Variants in PCDH15 observed in about 807,000 individuals in gnomAD.
The protein encoded by PCDH15 is protocadherin related 15, also known as protocadherin-15.
Under a neutral mutation model 178.5 loss-of-function variants are expected in PCDH15, and 129 were observed. The observed-to-expected ratio is 0.72, with a 90% confidence interval of 0.63 to 0.84. The LOEUF (loss-of-function observed/expected upper bound fraction) is 0.84. Ranked by LOEUF, PCDH15 falls within the 40% of genes least tolerant of loss-of-function variation. The probability of loss-of-function intolerance (pLI) is 0.00; values close to 1 mark genes in which losing one functional copy is unlikely to be tolerated. For missense variants in PCDH15, 2,230 were observed against 2,099.9 expected (o/e 1.06, Z -1.21); for synonymous variants, 800 against 732.0 (o/e 1.09, Z -1.50).
chr10:54,095,360 T>C (rs1565244753), intron 15 of PCDH15, among the ~76,000 whole-genome samples: 2 of 152,088 alleles, frequency 1.3e-5, no homozygotes, highest in South Asian at 2.1e-4. Flanking sequence ...ATAATGATAA[T>C]ATAAAATGTT....
intron 2 of PCDH15, among the ~76,000 whole-genome samples, chr10:55,467,887 A>C (rs1839866414): frequency 6.8e-6 from 1 of 147,448 alleles, no homozygotes; most frequent in African/African-American, 2.5e-5. Context: ...GAACTGCTTG[A>C]ACCTGGGAGG....
At chr10:54,459,738 A>T (rs2077055300) in intron 3 of PCDH15, among the ~76,000 whole-genome samples, 1 of 152,168 alleles carries the variant, frequency 6.6e-6, no homozygotes, top group South Asian at 2.1e-4. Context: ...ATTTACTAAA[A>T]AATCTATTCC....
intron 2 of PCDH15, among the ~76,000 whole-genome samples, chr10:55,624,140 A>G (rs1255431946): frequency 1.3e-5 from 2 of 152,008 alleles, no homozygotes; most frequent in Non-Finnish European, 2.9e-5. Context: ...ATCTCAATAT[A>G]TCAATCATAA....
intron 6 of PCDH15, among the ~76,000 whole-genome samples, chr10:54,343,645 G>A (rs569633538): frequency 5.4e-5 from 8 of 149,274 alleles, no homozygotes; most frequent in South Asian, 4.3e-4. Flanking sequence ...GTAGATTTGC[G>A]GGGGGAGGTG....
At chr10:54,990,805 T>C (rs1231729431) in intron 2 of PCDH15, among the ~76,000 whole-genome samples, 1 of 152,112 alleles carries the variant, frequency 6.6e-6, no homozygotes, top group Non-Finnish European at 1.5e-5. Context: ...GAATGACAAA[T>C]GAATATATTT....
At chr10:55,140,873 T>G (rs1024101696) in intron 2 of PCDH15, among the ~76,000 whole-genome samples, 14 of 152,018 alleles carry the variant, frequency 9.2e-5, no homozygotes, top group African/African-American at 3.4e-4. Context: ...TATTGACATG[T>G]GCATAGTTGT....
At chr10:53,817,070 G>T (rs560179779) in intron 34 of PCDH15, among the ~76,000 whole-genome samples, 1 of 152,248 alleles carries the variant, frequency 6.6e-6, no homozygotes, top group South Asian at 2.1e-4. Flanking sequence ...TGAGGTTCTG[G>T]GAGGTAATTC....
chr10:53,989,129 G>A (rs2091301933), intron 21 of PCDH15, among the ~76,000 whole-genome samples: 1 of 152,130 alleles, frequency 6.6e-6, no homozygotes. Context: ...TACTGGAATT[G>A]GCTAAGACTA....
chr10:55,522,977 G>C (rs900807496), intron 2 of PCDH15, among the ~76,000 whole-genome samples: 6 of 151,418 alleles, frequency 4.0e-5, no homozygotes, highest in South Asian at 2.1e-4. Context: ...GTATCTACTT[G>C]AGAATTTTTA....
chr10:54,917,588 G>T (rs1272014442), intron 2 of PCDH15, among the ~76,000 whole-genome samples: 10 of 152,254 alleles, frequency 6.6e-5, no homozygotes. Context: ...TACAACTCAA[G>T]TGAAACAGCT....
chr10:55,559,632 G>C (rs1477031441), intron 2 of PCDH15, among the ~76,000 whole-genome samples: 3 of 151,674 alleles, frequency 2.0e-5, no homozygotes, highest in Non-Finnish European at 4.4e-5. Context: ...TAAAAATTGT[G>C]TTCCATGTTA....
At chr10:54,585,616 T>C (rs570118344) in intron 2 of PCDH15, 1 of 35,328 alleles carries the variant, frequency 2.8e-5, no homozygotes, top group Non-Finnish European at 7.8e-5. Context: ...CAATATGTGT[T>C]TTTTTTTTTT....
intron 26 of PCDH15, among the ~76,000 whole-genome samples, chr10:53,879,754 A>G (rs1215487845): frequency 3.3e-5 from 5 of 152,176 alleles, no homozygotes; most frequent in South Asian, 2.1e-4. Context: ...ACAGGCGCGC[A>G]CCACCACGCC....
chr10:54,227,006 C>A (rs1422061180), intron 9 of PCDH15, among the ~76,000 whole-genome samples: 2 of 152,202 alleles, frequency 1.3e-5, no homozygotes, highest in Non-Finnish European at 2.9e-5. Flanking sequence ...CCCCTCCTGG[C>A]TGCTTTCATG....
chr10:54,698,326 G>A (rs893081404), intron 1 of PCDH15, among the ~76,000 whole-genome samples: 13 of 152,168 alleles, frequency 8.5e-5, no homozygotes, highest in African/African-American at 3.1e-4. Flanking sequence ...CAGTGACATG[G>A]GTTTGCTCAA....
chr10:53,929,652 CA>C (rs1292756524), intron 25 of PCDH15, among the ~76,000 whole-genome samples: 1 of 152,066 alleles, frequency 6.6e-6, no homozygotes, highest in African/African-American at 2.4e-5. Flanking sequence ...TTAGAAACCA[CA>C]AAAGTCAGAA....
intron 3 of PCDH15, among the ~76,000 whole-genome samples, chr10:54,402,204 A>G (rs1162469814): frequency 6.6e-6 from 1 of 151,900 alleles, no homozygotes; most frequent in African/African-American, 2.4e-5. Context: ...TATTAAGCAA[A>G]TTAGGAATAG....
intron 3 of PCDH15, among the ~76,000 whole-genome samples, chr10:54,876,775 T>C (rs1954152632): frequency 6.6e-6 from 1 of 152,184 alleles, no homozygotes; most frequent in African/African-American, 2.4e-5. Flanking sequence ...AGTAGTTTCC[T>C]GAGATGGAAA....
rs71004480 is a variant in PCDH15 at position 53,828,207 on chromosome 10, C to CAAAAAAAAAAAAA, written c.4211+345_4211+357dup. ...GCCAACAAGAGCAAAAAGTCCGTCTCAAAAAAAAAAAAAAAAAAAAAAAAA... is the reference window on the plus strand; with the variant it reads ...GCCAACAAGAGCAAAAAGTCCGTCTCAAAAAAAAAAAAAAAAAAAAAAAAAAAAAAAAAAAAAA... On this transcript the variant is annotated intron_variant, in intron 31 of 37. Coordinates refer to ENST00000644397, the MANE Select transcript of PCDH15 (RefSeq NM_001384140.1). Among the ~76,000 whole-genome samples the CAAAAAAAAAAAAA allele has an allele frequency of 4.8e-4, 26 of 53,774 alleles. 1 individual carries two copies. Among genetic ancestry groups the CAAAAAAAAAAAAA allele is most frequent in the African/African-American group, 1.9e-3 (26 of 13,894 alleles). 35.3% of individuals were successfully genotyped at this position (53,774 alleles called of 152,430 possible). A position where few individuals can be genotyped will look rare whatever the true frequency, so the allele number is the denominator to read the frequency against.
Sources: gnomAD v4.1 joint callset for allele counts (sites outside exome capture counted in the v4.1 genomes callset) on GRCh38, gnomAD v4.1.1 for gene constraint, MANE v1.5 for transcripts, NCBI Gene and HGNC (gene_info 2026-07-23, HGNC 2026-07-21) for gene names.